The following SUZ12 variants were observed in gnomAD, a reference collection of about 807,000 sequenced individuals.
SUZ12 encodes polycomb protein SUZ12.
In SUZ12, 17 loss-of-function variants were observed where a neutral mutation model predicts 87.3. The ratio of observed to expected loss-of-function variants is 0.19; its 90% confidence interval spans 0.13 to 0.29. The LOEUF is 0.29. Among genes scored for constraint, SUZ12 ranks in the 10% least tolerant of loss-of-function variants. The pLI is 1.00. For synonymous variants in SUZ12, 253 were observed against 312.4 expected, an observed-to-expected ratio of 0.81 and a Z score of 2.01; for missense variants, 526 against 912.2, an observed-to-expected ratio of 0.58 and a Z score of 5.45.
At chr17:31,959,187 G>C (rs1341584599) in intron 4 of SUZ12, among the ~76,000 whole-genome samples, 1 of 151,864 alleles carries the variant, frequency 6.6e-6, no homozygotes, top group Admixed American at 6.6e-5. Flanking sequence ...TTGAGTTTTT[G>C]TTCTTTTTTC....
Position 31,994,576 on chromosome 17 carries a change from G to A in SUZ12, c.1450G>A (p.Gly484Ser). 1 of 1,602,136 alleles carries A rather than the reference G, an allele frequency of 6.2e-7. No homozygotes were observed. Among genetic ancestry groups the A allele is most frequent in the Non-Finnish European group, 8.5e-7 (1 of 1,174,870 alleles). Residue 484 changes from glycine (G) to serine (S), a missense_variant, in exon 13 of 16, where the codon GGT becomes AGT. This residue lies in a region of SUZ12 where 143 missense variants were observed against 321.6 expected (regional missense o/e 0.44). Transcript: ENST00000322652. Reference sequence around the variant, plus strand: ...ATTTTTGTTGCAGTATCATCCAAAAGGTGCTAGGATAGATGTTTCTATCAA... The same window carrying A: ...ATTTTTGTTGCAGTATCATCCAAAAAGTGCTAGGATAGATGTTTCTATCAA... Reference protein sequence around the residue: ...FIFNYVYHPKGARIDVSINEC... With the variant: ...FIFNYVYHPKSARIDVSINEC...
chr17:31,976,639 T>C lies in SUZ12; in HGVS notation c.917+25T>C, dbSNP rs574108413. On this transcript the variant is annotated intron_variant, in intron 8 of 15. Transcript: ENST00000322652. ...GGTAATGTTGATGAACAAGTGAGGC[T>C]CCCACAATGTTCTGGAAATGTTTTC... is the stretch of plus-strand genomic sequence containing the variant. The C allele has an allele frequency of 2.2e-5, 33 of 1,497,874 alleles. 1 individual carries two copies. The South Asian group carries it at 3.8e-4, about 17-fold the overall frequency. 92.8% of individuals were successfully genotyped at this position (1,497,874 alleles called of 1,614,324 possible).
chr17:31,990,772 G>C (rs1909679407), intron 10 of SUZ12, among the ~76,000 whole-genome samples: 1 of 151,778 alleles, frequency 6.6e-6, no homozygotes, highest in African/African-American at 2.4e-5. Context: ...TTTTGAGACA[G>C]GGTTTCTCTC....
chr17:31,981,274 A>G (rs1475780825), intron 8 of SUZ12, among the ~76,000 whole-genome samples: 3 of 152,218 alleles, frequency 2.0e-5, no homozygotes, highest in East Asian at 1.9e-4. Flanking sequence ...CCACTGCCCA[A>G]TAGAAGAATG....
In SUZ12 at chr17:31,940,357, A is replaced by G. The variant is rs368538337; in HGVS notation, c.321+25A>G. ...AGTAAGTAGTCAACAAAATTCATCA[A>G]TATTATTTCTCTCTTATAACTGCAT... is the stretch of plus-strand genomic sequence containing the variant. On this transcript the variant is annotated intron_variant, in intron 2 of 15. Coordinates refer to ENST00000322652, the MANE Select transcript of SUZ12 (RefSeq NM_015355.4). The G allele has an allele frequency of 2.2e-4, 355 of 1,608,086 alleles. 1 individual carries two copies. The highest frequency in any genetic ancestry group is 2.6e-4 in the Admixed American group (15 of 58,292).
At chr17:31,968,404 A>T (rs560613210) in intron 5 of SUZ12, among the ~76,000 whole-genome samples, 51 of 151,802 alleles carry the variant, frequency 3.4e-4, no homozygotes, top group Non-Finnish European at 4.7e-4. Context: ...ATTAAAAAAA[A>T]TTTTTTTTGT....
At chr17:31,995,302 T>C (rs929642020) in intron 13 of SUZ12, among the ~76,000 whole-genome samples, 3 of 150,430 alleles carry the variant, frequency 2.0e-5, no homozygotes, top group Non-Finnish European at 4.4e-5. Context: ...TAACTAGCAC[T>C]TCATTTCTTT....
At chr17:31,938,356 A>C (rs1406293236) in intron 1 of SUZ12, among the ~76,000 whole-genome samples, 1 of 152,184 alleles carries the variant, frequency 6.6e-6, no homozygotes, top group East Asian at 1.9e-4. Flanking sequence ...GTGATCTTTA[A>C]TAGCTAAATA....
rs1045948976 is a variant in SUZ12 at position 31,957,515 on chromosome 17, G to A, written c.456-8632G>A. On this transcript the variant is annotated intron_variant, in intron 4 of 15. Transcript: ENST00000322652. ...CAACTTCCACCTCCCAGGCTCAAGCGATTCTTCTGCCTCAGCCTCCCGAGT... is the reference window on the plus strand; with the variant it reads ...CAACTTCCACCTCCCAGGCTCAAGCAATTCTTCTGCCTCAGCCTCCCGAGT... 3.3e-5 allele frequency among the ~76,000 whole-genome samples: 5 copies of A among 151,746 alleles called. No individual in the cohort carries two copies. The East Asian group carries it at 7.7e-4, about 23-fold the overall frequency.
At chr17:31,956,025 G>C (rs1907310846) in intron 4 of SUZ12, among the ~76,000 whole-genome samples, 2 of 151,844 alleles carry the variant, frequency 1.3e-5, no homozygotes, top group Admixed American at 1.3e-4. Flanking sequence ...CCATTCTTCT[G>C]CCTCAGCCTC....
chr17:31,944,978 G>A (rs1485166636), intron 3 of SUZ12, among the ~76,000 whole-genome samples: 1 of 150,592 alleles, frequency 6.6e-6, no homozygotes, highest in African/African-American at 2.4e-5. Context: ...TGAGGCAGGA[G>A]GATCACCTGA....
chr17:31,940,098 T>C (rs1363783005), intron 1 of SUZ12, among the ~76,000 whole-genome samples, 188 bp from the exon 2 acceptor site: 1 of 152,214 alleles, frequency 6.6e-6, no homozygotes, highest in Non-Finnish European at 1.5e-5. Context: ...TGTGAATGTA[T>C]GCCATTGATT....
At chr17:31,960,215 T>A (rs1907615002) in intron 4 of SUZ12, among the ~76,000 whole-genome samples, 1 of 152,100 alleles carries the variant, frequency 6.6e-6, no homozygotes, top group Non-Finnish European at 1.5e-5. Flanking sequence ...TCAGAGTGTT[T>A]ACTTTTTTTT....
At chr17:31,962,337 T>A (rs1257105845) in intron 4 of SUZ12, among the ~76,000 whole-genome samples, 4 of 152,152 alleles carry the variant, frequency 2.6e-5, no homozygotes, top group African/African-American at 9.6e-5. Flanking sequence ...ACACCTGTAA[T>A]CCCAGCACTT....
chr17:31,976,111 G>A (rs1258330150), intron 7 of SUZ12, among the ~76,000 whole-genome samples: 1 of 152,172 alleles, frequency 6.6e-6, no homozygotes, highest in East Asian at 1.9e-4. Context: ...TCACAACCTA[G>A]TGTAGGGAAA....
intron 10 of SUZ12, among the ~76,000 whole-genome samples, chr17:31,990,776 T>TTC (rs953187377): frequency 6.6e-6 from 1 of 151,968 alleles, no homozygotes; most frequent in Non-Finnish European, 1.5e-5. Flanking sequence ...GAGACAGGGT[T>TTC]TCTCTCTCTC....
chr17:31,981,039 A>G (rs1013764457), intron 8 of SUZ12, among the ~76,000 whole-genome samples: 1 of 152,030 alleles, frequency 6.6e-6, no homozygotes, highest in Non-Finnish European at 1.5e-5. Context: ...AAAAAAAACC[A>G]AAAAATCCAG....
At chr17:31,972,113 A>G (rs1292004338) in intron 5 of SUZ12, among the ~76,000 whole-genome samples, 5 of 151,494 alleles carry the variant, frequency 3.3e-5, no homozygotes, top group African/African-American at 1.2e-4. Flanking sequence ...GTGAAACCCC[A>G]TCTCTACTTA....
At chr17:31,990,121 A>ATTTTTTTTTTTTTTTTTTTTT (rs59793925) in intron 10 of SUZ12, among the ~76,000 whole-genome samples, 3 of 99,840 alleles carry the variant, frequency 3.0e-5, no homozygotes, top group African/African-American at 1.4e-4. Flanking sequence ...TGCCCGGCTA[A>ATTTTTTTTTTTTTTTTTTTTT]TTTTTTTTTT....
Sources: allele counts gnomAD v4.1 joint callset (sites outside exome capture counted in the v4.1 genomes callset), GRCh38; gene constraint gnomAD v4.1.1; regional missense constraint gnomAD v4.1.1; transcripts MANE v1.5; gene names NCBI Gene and HGNC (gene_info 2026-07-23, HGNC 2026-07-21).